Variants in FAM110B observed in about 807,000 individuals in gnomAD.
The protein encoded by FAM110B is family with sequence similarity 110 member B, also known as protein FAM110B.
Under a neutral mutation model 20.4 loss-of-function variants are expected in FAM110B, and 6 were observed. The observed-to-expected ratio is 0.29, with a 90% CI of 0.16 to 0.58. The LOEUF is 0.58. FAM110B is among the 20% of genes least tolerant of loss of function. The probability of loss-of-function intolerance (pLI) is 0.90; values close to 1 mark genes in which losing one functional copy is unlikely to be tolerated. For synonymous variants in FAM110B, 226 were observed against 214.1 expected (o/e 1.06, Z -0.49); for missense variants, 434 against 498.2 (o/e 0.87, Z 1.23).
chr8:58,062,881 A>G (rs951159164), intron 2 of FAM110B, among the ~76,000 whole-genome samples: 1 of 152,234 alleles, frequency 6.6e-6, no homozygotes, highest in African/African-American at 2.4e-5. Context: ...GAATTGTCCA[A>G]ATAACCAAGG....
At chr8:58,043,307 C>T (rs1350047547) in intron 2 of FAM110B, 3 of 152,200 alleles carry the variant, frequency 2.0e-5, no homozygotes, top group Non-Finnish European at 2.9e-5. Context: ...TCAGTGAGTG[C>T]GAGTTTGCTT....
chr8:58,080,261 G>A (rs886149643), intron 3 of FAM110B, among the ~76,000 whole-genome samples: 4 of 152,150 alleles, frequency 2.6e-5, no homozygotes, highest in East Asian at 1.9e-4. Context: ...GAGGGAAGTC[G>A]GACAATGGGG....
At position 58,035,293 on chromosome 8, in the gene FAM110B, G is replaced by A. The variant is rs138983598; in HGVS notation, c.-414+3590G>A. ...ATGAAATGATTAAAGCAAGCAAATTGAAATCTATTAACATTTGACCCTGTC... is the reference window on the plus strand; with the variant it reads ...ATGAAATGATTAAAGCAAGCAAATTAAAATCTATTAACATTTGACCCTGTC... On this transcript the variant is annotated intron_variant, in intron 2 of 3. Coordinates refer to ENST00000519262, the MANE Select transcript of FAM110B (RefSeq NM_001377989.1). Among the ~76,000 whole-genome samples, 103 of 152,232 alleles carry A rather than the reference G, an allele frequency of 6.8e-4. No individual in the cohort carries two copies. In the East Asian group the frequency reaches 0.019, roughly 27 times the overall value.
intron 3 of FAM110B, among the ~76,000 whole-genome samples, chr8:58,128,136 G>A (rs539937333): frequency 1.4e-4 from 22 of 152,106 alleles, no homozygotes; most frequent in Non-Finnish European, 2.8e-4. Flanking sequence ...CAGCCTTCAC[G>A]CCATATCACC....
intron 2 of FAM110B, among the ~76,000 whole-genome samples, chr8:58,072,410 A>G (rs1341707233): frequency 6.6e-6 from 1 of 152,242 alleles, no homozygotes; most frequent in African/African-American, 2.4e-5. Flanking sequence ...GTGTAATGCA[A>G]CGGTATTATG....
intron 3 of FAM110B, among the ~76,000 whole-genome samples, chr8:58,108,246 C>A (rs1242523992): frequency 6.6e-6 from 1 of 152,178 alleles, no homozygotes; most frequent in African/African-American, 2.4e-5. Flanking sequence ...AGGAAAAAGT[C>A]AAAAATGTTG....
chr8:58,007,261 G>A (rs1381651723), intron 1 of FAM110B, among the ~76,000 whole-genome samples: 2 of 152,090 alleles, frequency 1.3e-5, no homozygotes, highest in Non-Finnish European at 2.9e-5. Flanking sequence ...TGAGCCCTCT[G>A]AAATGTCCTG....
At chr8:58,093,266 C>A (rs769835352) in intron 3 of FAM110B, among the ~76,000 whole-genome samples, 16 of 152,040 alleles carry the variant, frequency 1.1e-4, no homozygotes, top group Non-Finnish European at 2.2e-4. Context: ...AGATCCCATT[C>A]GTCAATTTTG....
At chr8:58,114,511 G>A (rs1807147887) in intron 3 of FAM110B, among the ~76,000 whole-genome samples, 1 of 152,134 alleles carries the variant, frequency 6.6e-6, no homozygotes, top group African/African-American at 2.4e-5. Context: ...GCTGCTCCAA[G>A]TTCACCTCTC....
At chr8:58,000,726 T>C (rs974875394) in intron 1 of FAM110B, among the ~76,000 whole-genome samples, 4 of 152,186 alleles carry the variant, frequency 2.6e-5, no homozygotes, top group African/African-American at 9.7e-5. Context: ...TTTTGGGAAA[T>C]ACCAGTGAAT....
chr8:58,137,517 GC>G (rs1313697774), intron 3 of FAM110B, among the ~76,000 whole-genome samples: 7 of 151,924 alleles, frequency 4.6e-5, no homozygotes, highest in Non-Finnish European at 1.0e-4. Context: ...CTAAGATTGC[GC>G]CATTGCACTC....
intron 3 of FAM110B, chr8:58,106,109 A>G (rs754932658): frequency 6.6e-6 from 1 of 152,180 alleles, no homozygotes; most frequent in Admixed American, 6.5e-5. Flanking sequence ...ATTAATTTCA[A>G]TTCTCGTATT....
At chr8:58,037,717 T>C (rs1055786631) in intron 2 of FAM110B, among the ~76,000 whole-genome samples, 2 of 152,228 alleles carry the variant, frequency 1.3e-5, no homozygotes, top group African/African-American at 4.8e-5. Context: ...AAAGTATTGT[T>C]CACAATCTGT....
intron 1 of FAM110B, among the ~76,000 whole-genome samples, chr8:57,997,514 C>T (rs1163349800): frequency 6.6e-6 from 1 of 152,126 alleles, no homozygotes; most frequent in East Asian, 1.9e-4. Context: ...TTTTTTCATA[C>T]TTAACTTTTT....
chr8:58,075,262 C>G (rs77527726), intron 2 of FAM110B, among the ~76,000 whole-genome samples: 10 of 125,012 alleles, frequency 8.0e-5, no homozygotes, highest in Non-Finnish European at 1.5e-4. Context: ...CTAATTTTTG[C>G]TTTTTTTTTT....
chr8:58,141,482 T>C (rs759583603), intron 3 of FAM110B, among the ~76,000 whole-genome samples: 1 of 152,208 alleles, frequency 6.6e-6, no homozygotes, highest in Non-Finnish European at 1.5e-5. Flanking sequence ...GCTCTTTCAA[T>C]ACCCCCCTTT....
At chr8:58,119,709 T>A (rs1038300126) in intron 3 of FAM110B, among the ~76,000 whole-genome samples, 1 of 152,214 alleles carries the variant, frequency 6.6e-6, no homozygotes. Flanking sequence ...CACTGACCTG[T>A]CTGCAGAGAT....
chr8:58,106,931 C>T (rs1387597398), intron 3 of FAM110B, among the ~76,000 whole-genome samples: 3 of 152,126 alleles, frequency 2.0e-5, no homozygotes, highest in Admixed American at 6.5e-5. Flanking sequence ...TGACGATAAG[C>T]GAGTTTTAAC....
Position 58,148,165 on chromosome 8 carries a change from T to TG in FAM110B, c.*823dup, listed in dbSNP as rs1491132429. ...AAAAAAAAAAAAAGTTGTGGTTTTT[T>TG]GTTTTTTTTTTTTTTTTTTTTGGTC... On this transcript the variant is annotated 3_prime_UTR_variant, in exon 4 of 4. Transcript: ENST00000519262. 8 of 131,600 alleles carry TG rather than the reference T, an allele frequency of 6.1e-5. No individual in the cohort carries two copies. The highest frequency in any genetic ancestry group is 6.1e-4 in the South Asian group (2 of 3,292). The allele number at this position is 131,600 out of a possible 1,614,324, so 8.2% of individuals were successfully genotyped here. A position where few individuals can be genotyped will look rare whatever the true frequency, so the allele number is the denominator to read the frequency against.
Sources: allele counts gnomAD v4.1 joint callset (sites outside exome capture counted in the v4.1 genomes callset), GRCh38; gene constraint gnomAD v4.1.1; transcripts MANE v1.5; gene names NCBI Gene and HGNC (gene_info 2026-07-23, HGNC 2026-07-21).